IDE: variants seen among roughly 807,000 people sequenced by gnomAD.
The protein encoded by IDE is insulin-degrading enzyme.
IDE carries 58 observed loss-of-function variants against 133.2 expected under a neutral mutation model. That is an observed-to-expected ratio of 0.44 (90% CI 0.35 to 0.54). The LOEUF is 0.54. Ranked by LOEUF, IDE falls within the 20% of genes least tolerant of loss-of-function variation. IDE has a pLI of 0.00. For synonymous variants in IDE, 396 were observed against 421.3 expected, an observed-to-expected ratio of 0.94 and a Z score of 0.73; for missense variants, 981 against 1,234.0, an observed-to-expected ratio of 0.79 and a Z score of 3.07.
Position 92,453,422 on chromosome 10 carries a change from C to T in IDE, c.*1022G>A, listed in dbSNP as rs1712193341. Reference sequence around the variant, plus strand: ...AAGGGATTTTAGAGTTTTATGAAGACCTGCTATATAAGAATGCAAGGCTTT... The same window carrying T: ...AAGGGATTTTAGAGTTTTATGAAGATCTGCTATATAAGAATGCAAGGCTTT... On this transcript the variant is annotated 3_prime_UTR_variant, in exon 25 of 25. Coordinates refer to ENST00000265986, the MANE Select transcript of IDE (RefSeq NM_004969.4). 1 of 152,128 alleles carries T rather than the reference C, an allele frequency of 6.6e-6. No individual in the cohort carries two copies. The highest frequency in any genetic ancestry group is 2.1e-4 in the South Asian group (1 of 4,828). 9.4% of individuals were successfully genotyped at this position (152,128 alleles called of 1,614,324 possible). A position where few individuals can be genotyped will look rare whatever the true frequency, so the allele number is the denominator to read the frequency against.
At chr10:92,478,503 T>C (rs1431872960) in intron 15 of IDE, 1 of 309,126 alleles carries the variant, frequency 3.2e-6, no homozygotes, top group African/African-American at 2.2e-5. Context: ...TAACACTAAT[T>C]TGAGTTCTTT....
At chr10:92,479,685 C>G in intron 14 of IDE, 1 of 330,140 alleles carries the variant, frequency 3.0e-6, no homozygotes, top group South Asian at 5.9e-5. Context: ...AAGGAACTGC[C>G]TACCCCAGAT....
At chr10:92,539,760 C>T (rs1270914196) in intron 1 of IDE, among the ~76,000 whole-genome samples, 1 of 150,810 alleles carries the variant, frequency 6.6e-6, no homozygotes, top group African/African-American at 2.4e-5. Context: ...GAGATCCTGT[C>T]TCAAAGAAAA....
intron 4 of IDE, among the ~76,000 whole-genome samples, chr10:92,528,152 T>G (rs1270776651): frequency 6.6e-6 from 1 of 152,208 alleles, no homozygotes; most frequent in Non-Finnish European, 1.5e-5. Context: ...TATAATCACA[T>G]TTTCCCCCTT....
At position 92,507,612 on chromosome 10, in the gene IDE, G is replaced by A. The variant is rs771877473; in HGVS notation, c.1208C>T (p.Ala403Val). Residue 403 changes from alanine (A) to valine (V), a missense_variant, in exon 9 of 25, where the codon GCA becomes GTA. Transcript: ENST00000265986. ...GAAAACCCATTCTTGAGGTCCTTCT[G>A]CACGTAACTTCTGAATGTATTGAAA... ...HMFQYIQKLRAEGPQEWVFQE... is the reference protein window; with the variant it reads ...HMFQYIQKLRVEGPQEWVFQE... 6.2e-7 allele frequency: 1 copy of A among 1,609,280 alleles called. No homozygotes were observed. Among genetic ancestry groups the A allele is most frequent in the South Asian group, 1.1e-5 (1 of 90,960 alleles).
intron 1 of IDE, among the ~76,000 whole-genome samples, chr10:92,549,028 C>T (rs1004801523): frequency 9.9e-5 from 15 of 152,072 alleles, no homozygotes; most frequent in Non-Finnish European, 1.8e-4. Flanking sequence ...GAGGCTGAGG[C>T]GGGCGGATCA....
At chr10:92,456,304 G>A (rs201935226) in intron 23 of IDE, 55 bp downstream of exon 23, 2 of 1,249,708 alleles carry the variant, frequency 1.6e-6, no homozygotes, top group Non-Finnish European at 2.4e-6. Flanking sequence ...CTATGACAAA[G>A]GCCAACCATC....
intron 4 of IDE, 149 bp from the exon 5 acceptor site, chr10:92,515,191 A>G (rs1453690702): frequency 1.6e-6 from 1 of 624,412 alleles, no homozygotes; most frequent in Admixed American, 2.8e-5. Context: ...TGTTAAGTGA[A>G]TAAACAGGAT....
At chr10:92,541,388 T>C (rs920585274) in intron 1 of IDE, 10 of 463,382 alleles carry the variant, frequency 2.2e-5, no homozygotes, top group African/African-American at 1.6e-4. Context: ...TTTATACTCA[T>C]AAGATCACCT....
intron 15 of IDE, among the ~76,000 whole-genome samples, chr10:92,476,473 C>T (rs771009142): frequency 6.6e-6 from 1 of 152,014 alleles, no homozygotes; most frequent in Non-Finnish European, 1.5e-5. Context: ...CCATGCCCAG[C>T]CTTAACCATC....
intron 4 of IDE, among the ~76,000 whole-genome samples, chr10:92,526,563 A>T (rs1849631800): frequency 6.6e-6 from 1 of 152,084 alleles, no homozygotes; most frequent in African/African-American, 2.4e-5. Context: ...AGAAGTTAAG[A>T]GGCTGGGCAT....
At chr10:92,511,679 C>A (rs964883878) in intron 5 of IDE, among the ~76,000 whole-genome samples, 2 of 129,988 alleles carry the variant, frequency 1.5e-5, no homozygotes, top group African/African-American at 5.2e-5. Flanking sequence ...ATAAAATATA[C>A]CTACTTTTGC....
intron 15 of IDE, chr10:92,478,607 C>A: frequency 5.5e-6 from 6 of 1,098,892 alleles, no homozygotes; most frequent in South Asian, 4.4e-5. Context: ...AATGCTTAAA[C>A]GGGGTGGTGC....
intron 1 of IDE, among the ~76,000 whole-genome samples, chr10:92,547,878 C>T (rs190132014): frequency 5.9e-5 from 9 of 152,312 alleles, no homozygotes; most frequent in African/African-American, 1.7e-4. Context: ...GCACTGGATA[C>T]TACTGGACTA....
At chr10:92,535,901 T>C (rs1841974015) in intron 2 of IDE, among the ~76,000 whole-genome samples, 1 of 152,034 alleles carries the variant, frequency 6.6e-6, no homozygotes. Context: ...CTGGGCGTGG[T>C]GGCGGGCGCC....
intron 1 of IDE, among the ~76,000 whole-genome samples, chr10:92,566,522 T>A (rs1385123898): frequency 1.3e-5 from 2 of 151,812 alleles, no homozygotes; most frequent in African/African-American, 4.8e-5. Context: ...ATGACAGACA[T>A]CACATGTTCT....
chr10:92,463,649 A>C, intron 21 of IDE, 82 bp downstream of exon 21: 10 of 1,320,216 alleles, frequency 7.6e-6, no homozygotes, highest in Non-Finnish European at 1.1e-5. Flanking sequence ...TATCACCTAC[A>C]AAATGAATAC....
chr10:92,513,110 C>T (rs1264555114), intron 5 of IDE, among the ~76,000 whole-genome samples: 1 of 152,194 alleles, frequency 6.6e-6, no homozygotes, highest in East Asian at 1.9e-4. Context: ...TACTATACAA[C>T]ATTATTAAAT....
intron 23 of IDE, 105 bp from the exon 24 acceptor site, chr10:92,455,748 A>G: frequency 1.5e-6 from 1 of 675,566 alleles, no homozygotes. Flanking sequence ...ACACCGCACC[A>G]GCCCCGTTCA....
Sources: gnomAD v4.1 joint callset for allele counts (sites outside exome capture counted in the v4.1 genomes callset) on GRCh38, gnomAD v4.1.1 for gene constraint, MANE v1.5 for transcripts, NCBI Gene and HGNC (gene_info 2026-07-23, HGNC 2026-07-21) for gene names.